The following RGS6 variants were observed in gnomAD, a reference collection of about 807,000 sequenced individuals.
The protein encoded by RGS6 is regulator of G protein signaling 6.
RGS6 carries 30 observed loss-of-function variants against 78.5 expected under a neutral mutation model. The ratio of observed to expected loss-of-function variants is 0.38; its 90% CI spans 0.29 to 0.52. The LOEUF (loss-of-function observed/expected upper bound fraction) is 0.52. Ranked by LOEUF, RGS6 falls within the 20% of genes least tolerant of loss-of-function variation. RGS6 has a pLI of 0.85. For synonymous variants in RGS6, 206 were observed against 206.0 expected, an observed-to-expected ratio of 1.00 and a Z score of 0.00; for missense variants, 495 against 609.7, an observed-to-expected ratio of 0.81 and a Z score of 1.98.
At chr14:72,069,946 T>G (rs950008898) in intron 2 of RGS6, among the ~76,000 whole-genome samples, 1 of 152,246 alleles carries the variant, frequency 6.6e-6, no homozygotes, top group Non-Finnish European at 1.5e-5. Flanking sequence ...ACCTTCTACT[T>G]GGAATCACCT....
the RGS6 span, among the ~76,000 whole-genome samples, chr14:71,880,853 A>G: frequency 6.6e-6 from 1 of 152,142 alleles, no homozygotes; most frequent in Non-Finnish European, 1.5e-5. Flanking sequence ...GAAAAGGTCC[A>G]CTGTCCTCCA....
chr14:72,560,149 G>C (rs368711866), intron 17 of RGS6, among the ~76,000 whole-genome samples: 2 of 152,090 alleles, frequency 1.3e-5, no homozygotes, highest in African/African-American at 4.8e-5. Flanking sequence ...AGCCCCAAAC[G>C]CTGTGGATAG....
chr14:71,995,163 C>G (rs1011869098), intron 2 of RGS6, among the ~76,000 whole-genome samples: 1 of 152,152 alleles, frequency 6.6e-6, no homozygotes, highest in East Asian at 1.9e-4. Context: ...ATAAGCCCAT[C>G]TAAATTATGG....
chr14:71,965,239 A>G (rs2093440041), intron 2 of RGS6, among the ~76,000 whole-genome samples: 1 of 152,206 alleles, frequency 6.6e-6, no homozygotes, highest in South Asian at 2.1e-4. Context: ...TGGGAGATAG[A>G]GAGGTATATT....
intron 14 of RGS6, among the ~76,000 whole-genome samples, chr14:72,510,706 C>T (rs1021534473): frequency 1.3e-5 from 2 of 152,170 alleles, no homozygotes; most frequent in African/African-American, 4.8e-5. Context: ...TCAGTGGGCT[C>T]ATTTCAGAAT....
chr14:71,913,176 C>T, the RGS6 span, among the ~76,000 whole-genome samples: 17 of 152,184 alleles, frequency 1.1e-4, no homozygotes, highest in African/African-American at 3.9e-4. Context: ...CATTTTAATG[C>T]TAAAACCCCA....
At chr14:72,439,600 T>A (rs956528178) in intron 3 of RGS6, among the ~76,000 whole-genome samples, 1 of 152,196 alleles carries the variant, frequency 6.6e-6, no homozygotes, top group African/African-American at 2.4e-5. Context: ...ATACTTTCTC[T>A]CCTCCACATC....
At chr14:72,105,840 G>T (rs1055320680) in intron 2 of RGS6, among the ~76,000 whole-genome samples, 2 of 152,182 alleles carry the variant, frequency 1.3e-5, no homozygotes, top group East Asian at 1.9e-4. Flanking sequence ...AGAGTGAGTT[G>T]TTCTTTAAAA....
intron 2 of RGS6, among the ~76,000 whole-genome samples, chr14:71,971,657 C>T (rs531798739): frequency 3.4e-4 from 52 of 152,292 alleles, no homozygotes; most frequent in African/African-American, 1.1e-3. Context: ...GTGCAGATTC[C>T]GTGAGTTCTC....
chr14:72,430,530 A>G (rs1036386064), intron 3 of RGS6, among the ~76,000 whole-genome samples: 1 of 152,212 alleles, frequency 6.6e-6, no homozygotes, highest in Non-Finnish European at 1.5e-5. Flanking sequence ...TGGCTGCACA[A>G]CAGCTTGGGA....
At position 72,169,032 on chromosome 14, in the gene RGS6, C is replaced by A. The variant is rs142192167; in HGVS notation, c.85-183063C>A. Among the ~76,000 whole-genome samples the A allele has an allele frequency of 4.5e-3, 689 of 152,328 alleles. 7 individuals are homozygous for A. Among genetic ancestry groups the A allele is most frequent in the African/African-American group, 0.016 (652 of 41,572 alleles). On this transcript the variant is annotated intron_variant, in intron 2 of 17. Coordinates refer to ENST00000553525, the MANE Select transcript of RGS6 (RefSeq NM_001204424.2). ...CCCCCACTGCCACTGCCACCACCAC[C>A]GCTTTTGAATCAATATAACCAGGCA...
intron 2 of RGS6, among the ~76,000 whole-genome samples, chr14:72,212,916 G>A (rs1338584533): frequency 6.6e-6 from 1 of 152,182 alleles, no homozygotes; most frequent in Non-Finnish European, 1.5e-5. Context: ...GAAAGGGAAC[G>A]TTTCAAAGTA....
intron 2 of RGS6, among the ~76,000 whole-genome samples, chr14:72,194,291 C>T (rs969928996): frequency 6.6e-6 from 1 of 152,220 alleles, no homozygotes; most frequent in Non-Finnish European, 1.5e-5. Flanking sequence ...TGAACCTGCC[C>T]TTGTTCTGGG....
chr14:72,107,946 A>G (rs1177879572), intron 2 of RGS6, among the ~76,000 whole-genome samples: 1 of 152,270 alleles, frequency 6.6e-6, no homozygotes, highest in East Asian at 1.9e-4. Flanking sequence ...CTATTATTTT[A>G]TAGTTATACC....
intron 1 of RGS6, among the ~76,000 whole-genome samples, chr14:71,960,050 G>A (rs1191453593): frequency 1.3e-5 from 2 of 152,224 alleles, no homozygotes; most frequent in South Asian, 2.1e-4. Context: ...GTTAGCTGCC[G>A]AACCCTAGGC....
At chr14:72,404,337 T>A (rs2092734008) in intron 3 of RGS6, among the ~76,000 whole-genome samples, 1 of 152,224 alleles carries the variant, frequency 6.6e-6, no homozygotes, top group Non-Finnish European at 1.5e-5. Context: ...TAATATTTCC[T>A]GAAGCTTGAG....
intron 15 of RGS6, among the ~76,000 whole-genome samples, chr14:72,529,008 C>A (rs1360477281): frequency 6.6e-6 from 1 of 152,242 alleles, no homozygotes; most frequent in African/African-American, 2.4e-5. Context: ...AATCTTAATT[C>A]TCATTCCCAG....
intron 3 of RGS6, among the ~76,000 whole-genome samples, chr14:72,447,327 G>A (rs1185523152): frequency 6.6e-6 from 1 of 152,178 alleles, no homozygotes; most frequent in Non-Finnish European, 1.5e-5. Context: ...AAAAGCTGCT[G>A]GGCAGAGGTC....
At chr14:72,187,221 C>T (rs1396663362) in intron 2 of RGS6, among the ~76,000 whole-genome samples, 1 of 152,132 alleles carries the variant, frequency 6.6e-6, no homozygotes, top group Non-Finnish European at 1.5e-5. Flanking sequence ...ATGAGCACTG[C>T]CTTATAGGAT....
Sources: gnomAD v4.1 joint callset for allele counts (sites outside exome capture counted in the v4.1 genomes callset) on GRCh38, gnomAD v4.1.1 for gene constraint, MANE v1.5 for transcripts, NCBI Gene and HGNC (gene_info 2026-07-23, HGNC 2026-07-21) for gene names.